GALNT18: variants seen among roughly 807,000 people sequenced by gnomAD.
GALNT18 encodes the protein polypeptide N-acetylgalactosaminyltransferase 18.
Under a neutral mutation model 69.5 loss-of-function variants are expected in GALNT18, and 44 were observed. The ratio of observed to expected loss-of-function variants is 0.63; its 90% CI spans 0.50 to 0.81. The LOEUF (loss-of-function observed/expected upper bound fraction) is 0.81. Ranked by LOEUF, GALNT18 falls within the 40% of genes least tolerant of loss-of-function variation. The pLI, the probability that GALNT18 is intolerant of heterozygous loss-of-function variation, is 0.00. For synonymous variants in GALNT18, 364 were observed against 318.2 expected, an observed-to-expected ratio of 1.14 and a Z score of -1.53; for missense variants, 715 against 810.0, an observed-to-expected ratio of 0.88 and a Z score of 1.42.
intron 9 of GALNT18, among the ~76,000 whole-genome samples, chr11:11,312,864 G>A (rs945015346): frequency 1.3e-5 from 2 of 152,112 alleles, no homozygotes; most frequent in African/African-American, 4.8e-5. Flanking sequence ...TGTGCCAGGC[G>A]GTGCACTAGG....
rs113571506 is a variant in GALNT18, at chr11:11,592,601, C to T, written c.235+28758G>A. Among the ~76,000 whole-genome samples, 3,691 of 152,220 alleles carry T rather than the reference C, an allele frequency of 0.024. 157 individuals carry two copies. Among genetic ancestry groups the T allele is most frequent in the African/African-American group, 0.085 (3,519 of 41,538 alleles). On this transcript the variant is annotated intron_variant, in intron 1 of 10. Transcript: ENST00000227756. The surrounding 1 kb of genome is among the most constrained non-coding windows in gnomAD (Gnocchi z 5.9). Reference sequence around the variant, plus strand: ...TTTCAGTTACGAAAAAGGGTATAAACCGCCATTCCTTCTTAGAAAACCAGA... The same window carrying T: ...TTTCAGTTACGAAAAAGGGTATAAATCGCCATTCCTTCTTAGAAAACCAGA...
chr11:11,338,284 A>C lies in GALNT18; in HGVS notation c.1278+2535T>G, dbSNP rs771833804. ...CGCCTGGCCTCATTTAAAGATTTTA[A>C]GCAGGGCGATGGCATGGTTGTTGTG... On this transcript the variant is annotated intron_variant, in intron 7 of 10. Coordinates refer to ENST00000227756, the MANE Select transcript of GALNT18 (RefSeq NM_198516.3). This position sits in a 1 kb window ranked among gnomAD's most constrained non-coding sequence, Gnocchi z 5.3. 6.6e-6 allele frequency among the ~76,000 whole-genome samples: 1 copy of C among 152,156 alleles called. No homozygotes were observed. The highest frequency in any genetic ancestry group is 1.5e-5 in the Non-Finnish European group (1 of 68,034).
chr11:11,463,256 G>A lies in GALNT18; in HGVS notation c.236-14320C>T, dbSNP rs182617006. ...GAGAGAGAGAGAGTTCCAGAAGCCC[G>A]CAGCAGCCTACAAAAGCTCATCCTG... On this transcript the variant is annotated intron_variant, in intron 1 of 10. Transcript: ENST00000227756. The surrounding 1 kb of genome is among the most constrained non-coding windows in gnomAD (Gnocchi z 4.2). Among the ~76,000 whole-genome samples, 9 of 151,914 alleles carry A rather than the reference G, an allele frequency of 5.9e-5. No homozygotes were observed. The highest frequency in any genetic ancestry group is 2.1e-4 in the South Asian group (1 of 4,786).
At chr11:11,489,814 T>A (rs1856723880) in intron 1 of GALNT18, among the ~76,000 whole-genome samples, 1 of 152,204 alleles carries the variant, frequency 6.6e-6, no homozygotes, top group East Asian at 1.9e-4. Flanking sequence ...TATCCTGTTT[T>A]ACAAATAGGA....
In GALNT18 at chr11:11,382,947, G is replaced by C. The variant is rs762911485; in HGVS notation, c.596-3683C>G. ...GATCTAGAGTCAATGTGCAGCTGTC[G>C]ATAGCCCATGTTGACAGAGAAATAC... On this transcript the variant is annotated intron_variant, in intron 3 of 10. Transcript: ENST00000227756. This position sits in a 1 kb window ranked among gnomAD's most constrained non-coding sequence, Gnocchi z 4.3. Among the ~76,000 whole-genome samples, 6 of 152,116 alleles carry C rather than the reference G, an allele frequency of 3.9e-5. No individual in the cohort carries two copies.
chr11:11,386,411 T>A (rs943692439), intron 3 of GALNT18, among the ~76,000 whole-genome samples: 2 of 145,166 alleles, frequency 1.4e-5, no homozygotes, highest in African/African-American at 4.9e-5. Flanking sequence ...TCTCCCTGGC[T>A]TCTGGGAAAG....
intron 1 of GALNT18, among the ~76,000 whole-genome samples, chr11:11,520,605 G>A (rs555838676): frequency 6.6e-6 from 1 of 152,332 alleles, no homozygotes; most frequent in South Asian, 2.1e-4. Context: ...GGTAGAGAAG[G>A]GCAGCAGGAC....
rs902494225 is a variant in GALNT18 at position 11,595,676 on chromosome 11, A to G, written c.235+25683T>C. The stretch of plus-strand genomic sequence containing the variant: ...TTTCATGTGGTTACTGAACATTTGT[A>G]TATCTTCTTCAGAGAATTTGTCTAT... On this transcript the variant is annotated intron_variant, in intron 1 of 10. Transcript: ENST00000227756. This position sits in a 1 kb window ranked among gnomAD's most constrained non-coding sequence, Gnocchi z 5.2. 1.3e-5 allele frequency among the ~76,000 whole-genome samples: 2 copies of G among 152,172 alleles called. No homozygotes were observed. Among genetic ancestry groups the G allele is most frequent in the Non-Finnish European group, 2.9e-5 (2 of 68,026 alleles).
chr11:11,555,391 G>A lies in GALNT18; in HGVS notation c.235+65968C>T, dbSNP rs1480462363. On this transcript the variant is annotated intron_variant, in intron 1 of 10. Transcript: ENST00000227756. The surrounding 1 kb of genome is among the most constrained non-coding windows in gnomAD (Gnocchi z 4.7). ...ACCCCAGCTTAATCCACGCTCCAGT[G>A]CTTAGGAGCTCAGACTGCGACAGCA... Among the ~76,000 whole-genome samples the A allele has an allele frequency of 1.3e-5, 2 of 152,220 alleles. No homozygotes were observed. The highest frequency in any genetic ancestry group is 6.5e-5 in the Admixed American group (1 of 15,278).
chr11:11,391,934 C>T (rs1854201518), intron 3 of GALNT18, among the ~76,000 whole-genome samples: 1 of 152,180 alleles, frequency 6.6e-6, no homozygotes. Context: ...TGGCATGTGG[C>T]AGAGGTGCCA....
chr11:11,369,308 C>T (rs774972020), intron 6 of GALNT18, among the ~76,000 whole-genome samples: 95 of 152,160 alleles, frequency 6.2e-4, no homozygotes, highest in Non-Finnish European at 1.2e-3. Flanking sequence ...TGTTCCCTCC[C>T]AACCCTCTAG....
chr11:11,503,466 C>T (rs954612654), intron 1 of GALNT18, among the ~76,000 whole-genome samples: 1 of 152,154 alleles, frequency 6.6e-6, no homozygotes, highest in Non-Finnish European at 1.5e-5. Flanking sequence ...CCAGTTTTAC[C>T]TGTACCTGAA....
intron 1 of GALNT18, among the ~76,000 whole-genome samples, chr11:11,558,451 G>A (rs1055054233): frequency 6.6e-6 from 1 of 152,236 alleles, no homozygotes; most frequent in African/African-American, 2.4e-5. Context: ...AAGGTATCAG[G>A]CAGGGTGAGG....
At position 11,621,472 on chromosome 11, in the gene GALNT18, A is replaced by C. The variant is rs531100151; in HGVS notation, c.122T>G (p.Val41Gly). The part of the protein sequence containing the change: ...WVTNYIASVY[V>G]RGQEPAPDKK... ...GTCGGGCGCCGGCTCCTGCCCCCGC[A>C]CATACACGCTGGCGATGTAGTTGGT... Residue 41 changes from valine (V) to glycine (G), a missense_variant, in exon 1 of 11, where the codon GTG becomes GGG. Physicochemically the swap from Val to Gly is moderately radical, Grantham distance 109 (BLOSUM62 -3). Coordinates refer to ENST00000227756, the MANE Select transcript of GALNT18 (RefSeq NM_198516.3). The surrounding 1 kb of genome is among the most constrained non-coding windows in gnomAD (Gnocchi z 9.3). 1 of 1,614,016 alleles carries C rather than the reference A, an allele frequency of 6.2e-7. No individual in the cohort carries two copies. The highest frequency in any genetic ancestry group is 2.2e-5 in the East Asian group (1 of 44,856).
At chr11:11,312,625 A>G (rs1849690272) in intron 9 of GALNT18, among the ~76,000 whole-genome samples, 1 of 152,184 alleles carries the variant, frequency 6.6e-6, no homozygotes. Flanking sequence ...GGTCAATTGT[A>G]TCCCTCCTCT....
In GALNT18 at chr11:11,494,424, C is replaced by T. The variant is rs1326197320; in HGVS notation, c.236-45488G>A. Among the ~76,000 whole-genome samples, 1 of 152,220 alleles carries T rather than the reference C, an allele frequency of 6.6e-6. No individual in the cohort carries two copies. Among genetic ancestry groups the T allele is most frequent in the Non-Finnish European group, 1.5e-5 (1 of 68,026 alleles). On this transcript the variant is annotated intron_variant, in intron 1 of 10. Transcript: ENST00000227756. The surrounding 1 kb of genome is among the most constrained non-coding windows in gnomAD (Gnocchi z 5.7). The stretch of plus-strand genomic sequence containing the variant: ...TGACAACCTACTTCAAGGGGCCATG[C>T]CCAGGACTGCCACATCCAAGAGGTT...
chr11:11,579,925 G>A (rs1859033768), intron 1 of GALNT18, among the ~76,000 whole-genome samples: 2 of 152,146 alleles, frequency 1.3e-5, no homozygotes, highest in South Asian at 4.1e-4. Context: ...CCTATAAAAT[G>A]CCTTCAGAAA....
chr11:11,547,891 T>A (rs1858098412), intron 1 of GALNT18, among the ~76,000 whole-genome samples: 1 of 152,178 alleles, frequency 6.6e-6, no homozygotes, highest in African/African-American at 2.4e-5. Context: ...TATCTACCAT[T>A]CCTGGAACGT....
intron 1 of GALNT18, among the ~76,000 whole-genome samples, chr11:11,544,069 C>A (rs1322755666): frequency 6.6e-6 from 1 of 152,250 alleles, no homozygotes; most frequent in Non-Finnish European, 1.5e-5. Flanking sequence ...GTGCCAGCCC[C>A]TCTAGAGGCA....
Sources: gnomAD v4.1 joint callset for allele counts (sites outside exome capture counted in the v4.1 genomes callset) on GRCh38, gnomAD v4.1.1 for gene constraint, Gnocchi (gnomAD v3.1) non-coding constraint, MANE v1.5 for transcripts, NCBI Gene and HGNC (gene_info 2026-07-23, HGNC 2026-07-21) for gene names.